The following ITGB3 variants were observed in gnomAD, a reference collection of about 807,000 sequenced individuals.
ITGB3 encodes the protein integrin subunit beta 3.
In ITGB3, 48 loss-of-function variants were observed where a neutral mutation model predicts 85.8. The observed-to-expected ratio is 0.56, with a 90% CI of 0.44 to 0.71. The LOEUF is 0.71. Ranked by LOEUF, ITGB3 falls within the 30% of genes least tolerant of loss-of-function variation. The pLI, the probability that ITGB3 is intolerant of heterozygous loss-of-function variation, is 0.00. For missense variants in ITGB3, 861 were observed against 1,019.1 expected (o/e 0.84, Z 2.11); for synonymous variants, 363 against 395.6 (o/e 0.92, Z 0.98).
intron 2 of ITGB3, among the ~76,000 whole-genome samples, chr17:47,275,021 A>G (rs1054691298): frequency 5.9e-5 from 9 of 152,128 alleles, no homozygotes. Context: ...AGCAAGGGGT[A>G]TAGGTACGGA....
chr17:47,257,991 G>A (rs970305552), intron 1 of ITGB3, among the ~76,000 whole-genome samples: 1 of 152,128 alleles, frequency 6.6e-6, no homozygotes, highest in East Asian at 1.9e-4. Context: ...CCCTACTTGG[G>A]ATCTGAGGTT....
At position 47,287,234 on chromosome 17, in the gene ITGB3, G is replaced by T. The variant is rs770302711; in HGVS notation, c.939+3G>T. On this transcript the variant is annotated splice_donor_region_variant and intron_variant, in intron 6 of 14. Transcript: ENST00000559488. ...ATTACTCTGCCTCCACTACCATGGT[G>T]AGATCTCTGGCACCACCTATGGTTT... is the stretch of plus-strand genomic sequence containing the variant. 1 of 1,613,800 alleles carries T rather than the reference G, an allele frequency of 6.2e-7. No individual in the cohort carries two copies. Among genetic ancestry groups the T allele is most frequent in the Non-Finnish European group, 8.5e-7 (1 of 1,179,796 alleles).
chr17:47,305,829 C>T (rs1186792412), intron 13 of ITGB3: 1 of 152,184 alleles, frequency 6.6e-6, no homozygotes, highest in Middle Eastern at 3.1e-3. Context: ...GTGAAAACAG[C>T]TGGGTGTAAG....
rs964286366 is a variant in ITGB3 at position 47,312,487 on chromosome 17, T to G, written c.*2283T>G. Among the ~76,000 whole-genome samples, 1 of 152,216 alleles carries G rather than the reference T, an allele frequency of 6.6e-6. No homozygotes were observed. The highest frequency in any genetic ancestry group is 1.5e-5 in the Non-Finnish European group (1 of 68,040). Reference sequence around the variant, plus strand: ...AGGTGTGGAAGCTCATGCCTGTAATTATAACCTTCAGCTACTAAGACAGGT... The same window carrying G: ...AGGTGTGGAAGCTCATGCCTGTAATGATAACCTTCAGCTACTAAGACAGGT... On this transcript the variant is annotated 3_prime_UTR_variant, in exon 15 of 15. Coordinates refer to ENST00000559488, the MANE Select transcript of ITGB3 (RefSeq NM_000212.3).
chr17:47,254,019 C>A (rs529405497), intron 1 of ITGB3, 79 bp downstream of exon 1: 15 of 967,060 alleles, frequency 1.6e-5, no homozygotes, highest in Non-Finnish European at 2.0e-5. Context: ...TTGGAGCCGG[C>A]AAACGCGGAG....
intron 9 of ITGB3, chr17:47,291,601 G>A (rs113213317): frequency 1.4e-4 from 38 of 271,556 alleles, no homozygotes; most frequent in African/African-American, 4.7e-4. Flanking sequence ...CTTTGGATAC[G>A]CTGATCCTTT....
intron 6 of ITGB3, among the ~76,000 whole-genome samples, chr17:47,288,212 G>GAGAC (rs1168162094): frequency 2.1e-4 from 26 of 126,812 alleles, no homozygotes; most frequent in African/African-American, 7.5e-4. Context: ...TAGAAAGAGA[G>GAGAC]AGAGAGAGAG....
At chr17:47,265,394 C>A (rs775267529) in intron 1 of ITGB3, among the ~76,000 whole-genome samples, 2 of 152,176 alleles carry the variant, frequency 1.3e-5, no homozygotes, top group Non-Finnish European at 2.9e-5. Flanking sequence ...TGTCAGCAGG[C>A]CCATGGTCCC....
Position 47,289,796 on chromosome 17 carries a change from TCCTGGAGTGGGC to T in ITGB3, c.1035+25_1035+36del. ...TATCAGGTGACTGTGCCTTCGGGCT[TCCTGGAGTGGGC>T]CCTGTGATGGTGGGTGCCCCAGGTA... On this transcript the variant is annotated intron_variant, in intron 7 of 14. Coordinates refer to ENST00000559488, the MANE Select transcript of ITGB3 (RefSeq NM_000212.3). 1.3e-6 allele frequency: 2 copies of T among 1,575,514 alleles called. No individual in the cohort carries two copies. Among genetic ancestry groups the T allele is most frequent in the Non-Finnish European group, 1.7e-6 (2 of 1,144,740 alleles).
chr17:47,312,119 C>T lies in ITGB3; in HGVS notation c.*1915C>T, dbSNP rs970046879. Among the ~76,000 whole-genome samples the T allele has an allele frequency of 1.3e-5, 2 of 152,056 alleles. No homozygotes were observed. The highest frequency in any genetic ancestry group is 2.9e-5 in the Non-Finnish European group (2 of 68,046). On this transcript the variant is annotated 3_prime_UTR_variant, in exon 15 of 15. Coordinates refer to ENST00000559488, the MANE Select transcript of ITGB3 (RefSeq NM_000212.3). Reference sequence around the variant, plus strand: ...CACCTTTCTCAATGAAAGTCTCATTCTATCCTCTCTCCAAACCCGTTTTCC... The same window carrying T: ...CACCTTTCTCAATGAAAGTCTCATTTTATCCTCTCTCCAAACCCGTTTTCC...
intron 1 of ITGB3, among the ~76,000 whole-genome samples, chr17:47,255,104 G>A (rs546341087): frequency 1.3e-5 from 2 of 151,794 alleles, no homozygotes; most frequent in Non-Finnish European, 2.9e-5. Flanking sequence ...TCAGCCTCCC[G>A]AGTAGCTGGG....
intron 1 of ITGB3, among the ~76,000 whole-genome samples, chr17:47,269,323 G>A (rs867176200): frequency 2.0e-5 from 3 of 152,122 alleles, no homozygotes; most frequent in African/African-American, 4.8e-5. Context: ...ACAGAAAATG[G>A]GTTTTTCTTT....
chr17:47,304,147 C>G (rs938725875), intron 13 of ITGB3, among the ~76,000 whole-genome samples: 3 of 152,126 alleles, frequency 2.0e-5, no homozygotes, highest in African/African-American at 7.2e-5. Context: ...CCGCCTCAGC[C>G]CCCCGCAAAG....
intron 2 of ITGB3, among the ~76,000 whole-genome samples, chr17:47,277,105 T>C (rs1428921556): frequency 1.3e-5 from 2 of 152,064 alleles, no homozygotes; most frequent in African/African-American, 4.8e-5. Flanking sequence ...TAGGGTGTGT[T>C]CTTGGAGGGT....
intron 12 of ITGB3, among the ~76,000 whole-genome samples, chr17:47,302,029 CAT>C (rs2065169086): frequency 6.6e-6 from 1 of 152,136 alleles, no homozygotes; most frequent in South Asian, 2.1e-4. Flanking sequence ...TTAATTTCAT[CAT>C]GTGTCAGTTT....
chr17:47,282,756 A>G (rs2065088333), intron 2 of ITGB3, among the ~76,000 whole-genome samples: 1 of 152,230 alleles, frequency 6.6e-6, no homozygotes, highest in African/African-American at 2.4e-5. Flanking sequence ...ACTCTGACCT[A>G]CAGAAAGAAA....
At chr17:47,284,885 C>T (rs540617257) in intron 4 of ITGB3, among the ~76,000 whole-genome samples, 190 bp downstream of exon 4, 15 of 152,106 alleles carry the variant, frequency 9.9e-5, no homozygotes, top group Middle Eastern at 3.2e-3. Flanking sequence ...TCAATGGAGC[C>T]TAAGGCTGTT....
Position 47,305,727 on chromosome 17 carries a change from T to A in ITGB3, c.2135-1744T>A, listed in dbSNP as rs1224284281. The A allele has an allele frequency of 2.0e-5, 3 of 152,096 alleles. No homozygotes were observed. In the East Asian group the frequency reaches 5.8e-4, roughly 29 times the overall value. 9.4% of individuals were successfully genotyped at this position (152,096 alleles called of 1,614,324 possible). ...TCCTGGTCTCTAAGAATGCAAAAAATGTCATTAGGTTCACAGCCCTCAGGA... is the reference window on the plus strand; with the variant it reads ...TCCTGGTCTCTAAGAATGCAAAAAAAGTCATTAGGTTCACAGCCCTCAGGA... On this transcript the variant is annotated intron_variant, in intron 13 of 14. Transcript: ENST00000559488.
intron 1 of ITGB3, among the ~76,000 whole-genome samples, chr17:47,271,019 A>T (rs1267695912): frequency 6.6e-6 from 1 of 152,190 alleles, no homozygotes; most frequent in East Asian, 1.9e-4. Context: ...CCCAGTGCAT[A>T]TTTACTGAGC....
Sources: gnomAD v4.1 joint callset for allele counts (sites outside exome capture counted in the v4.1 genomes callset) on GRCh38, gnomAD v4.1.1 for gene constraint, MANE v1.5 for transcripts, NCBI Gene and HGNC (gene_info 2026-07-23, HGNC 2026-07-21) for gene names.